CNTN5: variants seen among roughly 807,000 people sequenced by gnomAD.
CNTN5 encodes the protein contactin 5, also known as contactin-5.
In CNTN5, 77 loss-of-function variants were observed where a neutral mutation model predicts 129.1. The ratio of observed to expected loss-of-function variants is 0.60; its 90% CI spans 0.50 to 0.72. The LOEUF (loss-of-function observed/expected upper bound fraction) is 0.72. Among genes scored for constraint, CNTN5 ranks in the 30% least tolerant of loss-of-function variants. The pLI, the probability that CNTN5 is intolerant of heterozygous loss-of-function variation, is 0.00. For synonymous variants in CNTN5, 509 were observed against 465.6 expected (o/e 1.09, Z -1.20); for missense variants, 1,478 against 1,328.8 (o/e 1.11, Z -1.75).
chr11:99,408,438 AAGAAAGAAAG>A (rs750986329), intron 2 of CNTN5, among the ~76,000 whole-genome samples: 3,934 of 65,034 alleles, frequency 0.06, 123 homozygotes, highest in African/African-American at 0.14. Flanking sequence ...AAAAGAAAGA[AAGAAAGAAAG>A]AGAAAGAAAG....
chr11:99,264,579 T>C (rs1316460954), intron 1 of CNTN5, among the ~76,000 whole-genome samples: 1 of 152,032 alleles, frequency 6.6e-6, no homozygotes, highest in African/African-American at 2.4e-5. Flanking sequence ...TGATGCAACA[T>C]GAAGATGATA....
At chr11:99,081,830 T>C (rs1239189137) in intron 1 of CNTN5, among the ~76,000 whole-genome samples, 2 of 152,170 alleles carry the variant, frequency 1.3e-5, no homozygotes, top group African/African-American at 2.4e-5. Flanking sequence ...TTATCAATTA[T>C]TAAGAAGGAA....
chr11:99,556,023 T>A (rs1389425173), intron 2 of CNTN5, 122 bp from the exon 3 acceptor site: 1 of 425,404 alleles, frequency 2.4e-6, no homozygotes, highest in Non-Finnish European at 4.2e-6. Context: ...CATATTAATC[T>A]GACCTTTGCA....
chr11:99,262,135 G>A (rs775749676), intron 1 of CNTN5, among the ~76,000 whole-genome samples: 3 of 151,950 alleles, frequency 2.0e-5, no homozygotes, highest in Non-Finnish European at 4.4e-5. Context: ...ACATTTGAAA[G>A]CCATGGCCTT....
intron 16 of CNTN5, among the ~76,000 whole-genome samples, chr11:100,251,837 G>A (rs1949968657): frequency 6.6e-6 from 1 of 152,098 alleles, no homozygotes; most frequent in African/African-American, 2.4e-5. Flanking sequence ...CTCCTAGGTT[G>A]ATTCCATATC....
chr11:99,619,915 A>C (rs946353254), intron 3 of CNTN5, among the ~76,000 whole-genome samples: 1 of 151,112 alleles, frequency 6.6e-6, no homozygotes, highest in African/African-American at 2.4e-5. Flanking sequence ...AGTCCCAGCT[A>C]CTCGGAAGGC....
intron 1 of CNTN5, among the ~76,000 whole-genome samples, chr11:99,320,669 G>T (rs1865530863): frequency 6.6e-6 from 1 of 152,124 alleles, no homozygotes; most frequent in Non-Finnish European, 1.5e-5. Context: ...AAAAGGAGGG[G>T]AGTAAGTACA....
chr11:100,103,008 C>T (rs891236230), intron 13 of CNTN5, among the ~76,000 whole-genome samples: 3 of 152,118 alleles, frequency 2.0e-5, no homozygotes, highest in East Asian at 1.9e-4. Context: ...TCTAGATGTC[C>T]GTGACCTTGT....
chr11:99,608,507 G>A (rs1950499354), intron 3 of CNTN5, among the ~76,000 whole-genome samples: 2 of 152,088 alleles, frequency 1.3e-5, no homozygotes, highest in South Asian at 4.1e-4. Flanking sequence ...GATGAGATTG[G>A]GACCTAATCC....
intron 7 of CNTN5, among the ~76,000 whole-genome samples, chr11:99,920,534 C>G (rs1277362305): frequency 6.6e-6 from 1 of 152,156 alleles, no homozygotes; most frequent in East Asian, 1.9e-4. Flanking sequence ...CCCAAACCTT[C>G]TCTAGCTACA....
intron 3 of CNTN5, among the ~76,000 whole-genome samples, chr11:99,747,162 T>G (rs952001948): frequency 6.6e-6 from 1 of 152,186 alleles, no homozygotes; most frequent in Non-Finnish European, 1.5e-5. Context: ...TTCCTGTGAT[T>G]CTTTTGATGA....
intron 6 of CNTN5, among the ~76,000 whole-genome samples, chr11:99,879,582 G>A (rs1433217306): frequency 6.6e-6 from 1 of 151,660 alleles, no homozygotes; most frequent in Admixed American, 6.6e-5. Context: ...TGCGAACTGT[G>A]TTTGAGTTTG....
At chr11:99,526,955 C>G (rs1482938612) in intron 2 of CNTN5, among the ~76,000 whole-genome samples, 1 of 141,792 alleles carries the variant, frequency 7.1e-6, no homozygotes, top group Non-Finnish European at 1.6e-5. Context: ...TTTGATTGAA[C>G]AAACAGGTTG....
chr11:100,164,991 C>T (rs890460467), intron 13 of CNTN5, among the ~76,000 whole-genome samples: 3 of 151,632 alleles, frequency 2.0e-5, no homozygotes, highest in Admixed American at 6.6e-5. Flanking sequence ...TTTAAGCAGT[C>T]CACAGTCAAT....
chr11:99,823,530 G>T (rs886605889), intron 4 of CNTN5, among the ~76,000 whole-genome samples: 1 of 151,814 alleles, frequency 6.6e-6, no homozygotes, highest in Non-Finnish European at 1.5e-5. Context: ...AAAGGCAAAT[G>T]CTGCAATTAG....
At chr11:99,437,942 T>G (rs1369568141) in intron 2 of CNTN5, among the ~76,000 whole-genome samples, 2 of 152,214 alleles carry the variant, frequency 1.3e-5, no homozygotes, top group Non-Finnish European at 2.9e-5. Flanking sequence ...TAATGTATTT[T>G]CCATATATTA....
intron 3 of CNTN5, among the ~76,000 whole-genome samples, chr11:99,747,001 T>C (rs1393260511): frequency 1.3e-5 from 2 of 152,342 alleles, no homozygotes; most frequent in South Asian, 4.1e-4. Context: ...AATCTGTAGA[T>C]AGTTTTGGAT....
chr11:100,050,384 C>A (rs1942890606), intron 9 of CNTN5, among the ~76,000 whole-genome samples: 1 of 151,680 alleles, frequency 6.6e-6, no homozygotes, highest in African/African-American at 2.4e-5. Context: ...AACAAAAAAC[C>A]AAACACCGCA....
At chr11:99,222,752 A>G (rs963007060) in intron 1 of CNTN5, among the ~76,000 whole-genome samples, 1 of 152,154 alleles carries the variant, frequency 6.6e-6, no homozygotes, top group African/African-American at 2.4e-5. Context: ...TTTCTGTGGA[A>G]AAATTACTTC....
Sources: gnomAD v4.1 joint callset for allele counts (sites outside exome capture counted in the v4.1 genomes callset) on GRCh38, gnomAD v4.1.1 for gene constraint, MANE v1.5 for transcripts, NCBI Gene and HGNC (gene_info 2026-07-23, HGNC 2026-07-21) for gene names.